FHIT: variants seen among roughly 807,000 people sequenced by gnomAD.
FHIT encodes fragile histidine triad diadenosine triphosphatase, also known as bis(5'-adenosyl)-triphosphatase.
In FHIT, 19 loss-of-function variants were observed where a neutral mutation model predicts 17.9. That is an observed-to-expected ratio of 1.06 (90% CI 0.74 to 1.56). FHIT has a LOEUF of 1.56. FHIT is among the 40% of genes most tolerant of loss of function. The pLI, the probability that FHIT is intolerant of heterozygous loss-of-function variation, is 0.00. For missense variants in FHIT, 248 were observed against 189.2 expected (o/e 1.31, Z -1.82); for synonymous variants, 81 against 69.7 (o/e 1.16, Z -0.81).
At chr3:60,963,025 T>C (rs1018989678) in intron 3 of FHIT, among the ~76,000 whole-genome samples, 3 of 152,168 alleles carry the variant, frequency 2.0e-5, no homozygotes, top group Non-Finnish European at 2.9e-5. Context: ...TCTTTGTACC[T>C]CCGGTAGAAT....
intron 5 of FHIT, among the ~76,000 whole-genome samples, chr3:60,425,713 A>G (rs926109559): frequency 6.6e-6 from 1 of 152,158 alleles, no homozygotes; most frequent in Non-Finnish European, 1.5e-5. Flanking sequence ...CATGATGTTA[A>G]AAGTCATAAA....
At chr3:61,135,189 G>GA (rs1026557429) in intron 2 of FHIT, among the ~76,000 whole-genome samples, 15 of 151,274 alleles carry the variant, frequency 9.9e-5, no homozygotes, top group African/African-American at 3.2e-4. Flanking sequence ...TAGTTAAGGA[G>GA]AAAAAAAAAG....
At chr3:59,902,488 C>T (rs964883039) in intron 8 of FHIT, among the ~76,000 whole-genome samples, 17 of 151,602 alleles carry the variant, frequency 1.1e-4, no homozygotes, top group African/African-American at 3.9e-4. Flanking sequence ...GAGATATCTC[C>T]ACTCACATGT....
chr3:60,068,600 C>G (rs887959665), intron 5 of FHIT, among the ~76,000 whole-genome samples: 3 of 152,170 alleles, frequency 2.0e-5, no homozygotes, highest in African/African-American at 7.2e-5. Context: ...CTCCCTAGTA[C>G]AAGGGCCACA....
chr3:60,931,580 C>T (rs1707958258), intron 3 of FHIT, among the ~76,000 whole-genome samples: 1 of 136,756 alleles, frequency 7.3e-6, no homozygotes, highest in Non-Finnish European at 1.7e-5. Flanking sequence ...GCCTCAGAAG[C>T]TTCCGGCTTC....
At chr3:60,116,674 A>G (rs1704976278) in intron 5 of FHIT, among the ~76,000 whole-genome samples, 2 of 152,148 alleles carry the variant, frequency 1.3e-5, no homozygotes, top group South Asian at 2.1e-4. Flanking sequence ...TGGTGAAATA[A>G]AAAGTAGCCC....
At chr3:59,963,155 T>A (rs1360008460) in intron 7 of FHIT, among the ~76,000 whole-genome samples, 1 of 151,950 alleles carries the variant, frequency 6.6e-6, no homozygotes, top group Admixed American at 6.6e-5. Flanking sequence ...AGTCCCCAGC[T>A]ACTTGGGAGG....
chr3:60,812,636 C>T (rs1304679633), intron 4 of FHIT, among the ~76,000 whole-genome samples: 3 of 152,166 alleles, frequency 2.0e-5, no homozygotes, highest in African/African-American at 7.2e-5. Flanking sequence ...CGAATTCTAA[C>T]CCATAAATTG....
chr3:60,422,862 C>G (rs770996066), intron 5 of FHIT, among the ~76,000 whole-genome samples: 8 of 152,078 alleles, frequency 5.3e-5, no homozygotes, highest in Non-Finnish European at 8.8e-5. Context: ...TTAAATGGTT[C>G]TATGCCAGGG....
intron 1 of FHIT, among the ~76,000 whole-genome samples, chr3:61,203,828 G>A (rs971200733): frequency 1.9e-4 from 29 of 152,210 alleles, no homozygotes; most frequent in African/African-American, 5.3e-4. Flanking sequence ...AGGATAACCA[G>A]CATTTCTTTC....
intron 3 of FHIT, among the ~76,000 whole-genome samples, chr3:60,980,100 G>A (rs994704673): frequency 3.9e-5 from 6 of 152,150 alleles, no homozygotes; most frequent in Admixed American, 1.3e-4. Context: ...TGCACTGAGC[G>A]TCTTCCTTAT....
intron 4 of FHIT, among the ~76,000 whole-genome samples, chr3:60,745,624 C>T (rs1406756291): frequency 6.6e-6 from 1 of 152,096 alleles, no homozygotes; most frequent in African/African-American, 2.4e-5. Flanking sequence ...TAGTCTAGAC[C>T]TCCTAGGTCA....
At chr3:60,553,358 T>A in intron 4 of FHIT, 2 of 976,368 alleles carry the variant, frequency 2.0e-6, no homozygotes, top group Non-Finnish European at 2.4e-6. Flanking sequence ...CTTGTGTTTT[T>A]ACGTAATGTG....
intron 5 of FHIT, among the ~76,000 whole-genome samples, chr3:60,294,804 G>C (rs1362231193): frequency 6.6e-6 from 1 of 152,118 alleles, no homozygotes; most frequent in South Asian, 2.1e-4. Context: ...ATAACCTTTT[G>C]AAATTGGCTT....
chr3:60,707,169 G>A (rs2041394494), intron 4 of FHIT, among the ~76,000 whole-genome samples: 1 of 152,152 alleles, frequency 6.6e-6, no homozygotes, highest in South Asian at 2.1e-4. Context: ...AGTCCCTTTA[G>A]TAGCTCCAAA....
At chr3:59,790,884 A>T (rs1168156436) in intron 8 of FHIT, among the ~76,000 whole-genome samples, 2 of 152,000 alleles carry the variant, frequency 1.3e-5, no homozygotes, top group Non-Finnish European at 1.5e-5. Context: ...AATGAATATT[A>T]TTTTCTGAGG....
At chr3:61,204,979 G>T (rs570681984) in intron 1 of FHIT, among the ~76,000 whole-genome samples, 1 of 90,872 alleles carries the variant, frequency 1.1e-5, no homozygotes, top group Admixed American at 1.6e-4. Flanking sequence ...CCCACCCCCC[G>T]CCCCACAACA....
At chr3:60,163,596 G>C (rs926000396) in intron 5 of FHIT, among the ~76,000 whole-genome samples, 3 of 152,056 alleles carry the variant, frequency 2.0e-5, no homozygotes, top group African/African-American at 7.2e-5. Context: ...TCACCCTTCA[G>C]ACCTCCCTGG....
At chr3:59,807,864 C>G (rs1700263716) in intron 8 of FHIT, among the ~76,000 whole-genome samples, 1 of 152,118 alleles carries the variant, frequency 6.6e-6, no homozygotes, top group Non-Finnish European at 1.5e-5. Flanking sequence ...TTTCATGGAG[C>G]AGGTAGATAA....
Sources: gnomAD v4.1 joint callset for allele counts (sites outside exome capture counted in the v4.1 genomes callset) on GRCh38, gnomAD v4.1.1 for gene constraint, MANE v1.5 for transcripts, NCBI Gene and HGNC (gene_info 2026-07-23, HGNC 2026-07-21) for gene names.